HS3ST3A1: variants seen among roughly 807,000 people sequenced by gnomAD.
The protein encoded by HS3ST3A1 is heparan sulfate glucosamine 3-O-sulfotransferase 3A1.
A neutral mutation model predicts 25.7 loss-of-function variants in HS3ST3A1; 19 were observed. The observed-to-expected ratio is 0.74, with a 90% CI of 0.52 to 1.08. The LOEUF (loss-of-function observed/expected upper bound fraction) is 1.08. HS3ST3A1 is among the 50% of genes least tolerant of loss of function. The pLI is 0.00. For synonymous variants in HS3ST3A1, 226 were observed against 278.6 expected, an observed-to-expected ratio of 0.81 and a Z score of 1.88; for missense variants, 459 against 594.3, an observed-to-expected ratio of 0.77 and a Z score of 2.37.
chr17:13,547,427 GA>G (rs1856778798), intron 1 of HS3ST3A1, among the ~76,000 whole-genome samples: 3 of 152,252 alleles, frequency 2.0e-5, no homozygotes, highest in African/African-American at 7.2e-5. Context: ...ATGGAGGGGA[GA>G]AAGGGCTGGA....
intron 1 of HS3ST3A1, among the ~76,000 whole-genome samples, chr17:13,528,763 A>C (rs1906514374): frequency 1.3e-5 from 2 of 152,178 alleles, no homozygotes; most frequent in African/African-American, 4.8e-5. Flanking sequence ...GTCATGAAGG[A>C]AACTGCATTT....
At chr17:13,510,969 A>G (rs1005318170) in intron 1 of HS3ST3A1, among the ~76,000 whole-genome samples, 5 of 152,254 alleles carry the variant, frequency 3.3e-5, no homozygotes, top group African/African-American at 1.2e-4. Context: ...TAAAACCTCC[A>G]AAATAATAAT....
At chr17:13,507,579 C>T (rs190556907) in intron 1 of HS3ST3A1, among the ~76,000 whole-genome samples, 27 of 152,286 alleles carry the variant, frequency 1.8e-4, no homozygotes, top group African/African-American at 4.6e-4. Context: ...TGAAATCTTC[C>T]GAACAGGTAA....
At chr17:13,566,744 G>A (rs1907685126) in intron 1 of HS3ST3A1, among the ~76,000 whole-genome samples, 1 of 152,116 alleles carries the variant, frequency 6.6e-6, no homozygotes, top group South Asian at 2.1e-4. Context: ...CTAATCCAGA[G>A]CAAGGCCCTA....
intron 1 of HS3ST3A1, among the ~76,000 whole-genome samples, chr17:13,522,763 G>A (rs1205968798): frequency 6.6e-6 from 1 of 150,968 alleles, no homozygotes; most frequent in Non-Finnish European, 1.5e-5. Flanking sequence ...ATAAAAAAAT[G>A]GCAAAATAAT....
At chr17:13,580,163 TCA>T (rs1908074539) in intron 1 of HS3ST3A1, among the ~76,000 whole-genome samples, 1 of 151,620 alleles carries the variant, frequency 6.6e-6, no homozygotes, top group Admixed American at 6.6e-5. Context: ...TGATAAAAAT[TCA>T]CAGATTAAAA....
At chr17:13,502,320 G>A (rs999374881) in intron 1 of HS3ST3A1, among the ~76,000 whole-genome samples, 4 of 152,116 alleles carry the variant, frequency 2.6e-5, no homozygotes, top group African/African-American at 9.7e-5. Flanking sequence ...CTACTGAGGG[G>A]ACAGACCTGC....
chr17:13,559,053 C>G (rs1423617562), intron 1 of HS3ST3A1, among the ~76,000 whole-genome samples: 1 of 152,158 alleles, frequency 6.6e-6, no homozygotes, highest in African/African-American at 2.4e-5. Flanking sequence ...TGTACAAAGG[C>G]TAATAATAAT....
chr17:13,560,283 C>T (rs964263005), intron 1 of HS3ST3A1, among the ~76,000 whole-genome samples: 2 of 26,492 alleles, frequency 7.5e-5, no homozygotes, highest in Admixed American at 6.5e-4. Context: ...GAGGGACACT[C>T]GTCTCCAAAA....
At chr17:13,566,541 T>A (rs1241552713) in intron 1 of HS3ST3A1, among the ~76,000 whole-genome samples, 1 of 152,192 alleles carries the variant, frequency 6.6e-6, no homozygotes, top group African/African-American at 2.4e-5. Context: ...GAGGAAGGCA[T>A]GTTGAAAGCT....
intron 1 of HS3ST3A1, among the ~76,000 whole-genome samples, chr17:13,575,941 T>C (rs2142377391): frequency 6.6e-6 from 1 of 152,306 alleles, no homozygotes; most frequent in Admixed American, 6.5e-5. Flanking sequence ...CAAAGGATGA[T>C]CTCCACACTA....
chr17:13,601,601 C>T lies in HS3ST3A1; in HGVS notation c.-472G>A, dbSNP rs570434592. The T allele has an allele frequency of 8.9e-5, 14 of 156,630 alleles. No individual in the cohort carries two copies. Among genetic ancestry groups the T allele is most frequent in the Middle Eastern group, 3.2e-3 (1 of 316 alleles). The allele number at this position is 156,630 out of a possible 1,614,324, so 9.7% of individuals were successfully genotyped here. ...GCGCGGCTGCCGGGCCTCTGCGCTC[C>T]GTGCGCTCCAGACAGTGGCGAGCGA... On this transcript the variant is annotated 5_prime_UTR_variant, in exon 1 of 2. Transcript: ENST00000284110.
chr17:13,517,250 C>T (rs1012576578), intron 1 of HS3ST3A1, among the ~76,000 whole-genome samples: 4 of 152,202 alleles, frequency 2.6e-5, no homozygotes, highest in Non-Finnish European at 5.9e-5. Context: ...AAATGGCTAA[C>T]ATTAGGTTTG....
chr17:13,570,500 G>C (rs374121567), intron 1 of HS3ST3A1, among the ~76,000 whole-genome samples: 3 of 151,990 alleles, frequency 2.0e-5, no homozygotes, highest in East Asian at 1.9e-4. Context: ...TTTGTTTTTC[G>C]AGACAAACAA....
intron 1 of HS3ST3A1, among the ~76,000 whole-genome samples, chr17:13,578,398 A>AT (rs1908003981): frequency 1.3e-5 from 2 of 150,440 alleles, no homozygotes; most frequent in East Asian, 3.9e-4. Flanking sequence ...AAATACAAAA[A>AT]AAAAAAAAAA....
intron 1 of HS3ST3A1, among the ~76,000 whole-genome samples, chr17:13,591,367 A>G (rs968230594): frequency 2.0e-5 from 3 of 151,940 alleles, no homozygotes; most frequent in African/African-American, 7.3e-5. Flanking sequence ...TTCTGACAAC[A>G]TATTGGCTTT....
At chr17:13,518,686 A>C (rs183344301) in intron 1 of HS3ST3A1, among the ~76,000 whole-genome samples, 2 of 152,362 alleles carry the variant, frequency 1.3e-5, no homozygotes, top group African/African-American at 4.8e-5. Context: ...CACTGTGAGG[A>C]CATCTCTGGA....
chr17:13,506,080 T>C (rs1034534727), intron 1 of HS3ST3A1, among the ~76,000 whole-genome samples: 1 of 121,214 alleles, frequency 8.2e-6, no homozygotes, highest in African/African-American at 3.3e-5. Context: ...TGGAGTTACT[T>C]TTTTTTTTTT....
At position 13,584,949 on chromosome 17, in the gene HS3ST3A1, A is replaced by T. The variant is rs1449904876; in HGVS notation, c.599+15582T>A. Among the ~76,000 whole-genome samples, 3 of 152,094 alleles carry T rather than the reference A, an allele frequency of 2.0e-5. No homozygotes were observed. In the East Asian group the frequency reaches 5.8e-4, roughly 29 times the overall value. On this transcript the variant is annotated intron_variant, in intron 1 of 1. Coordinates refer to ENST00000284110, the MANE Select transcript of HS3ST3A1 (RefSeq NM_006042.3). ...CCCCATGCCATGTGGCTTCTGTCAC[A>T]CCGCAAAAGCCCACCTGGCTTCAAG... is the stretch of plus-strand genomic sequence containing the variant.
Sources: gnomAD v4.1 joint callset for allele counts (sites outside exome capture counted in the v4.1 genomes callset) on GRCh38, gnomAD v4.1.1 for gene constraint, MANE v1.5 for transcripts, NCBI Gene and HGNC (gene_info 2026-07-23, HGNC 2026-07-21) for gene names.